The following GALNT7 variants were observed in gnomAD, a reference collection of about 807,000 sequenced individuals.
GALNT7 encodes N-acetylgalactosaminyltransferase 7.
GALNT7 carries 60 observed loss-of-function variants against 82.1 expected under a neutral mutation model. The observed-to-expected ratio is 0.73, with a 90% confidence interval of 0.59 to 0.91. The LOEUF is 0.91. Among genes scored for constraint, GALNT7 ranks in the 40% least tolerant of loss-of-function variants. The pLI is 0.00. For synonymous variants in GALNT7, 243 were observed against 275.1 expected, an observed-to-expected ratio of 0.88 and a Z score of 1.15; for missense variants, 660 against 804.2, an observed-to-expected ratio of 0.82 and a Z score of 2.17.
At chr4:173,213,218 T>A (rs1733337763) in intron 1 of GALNT7, among the ~76,000 whole-genome samples, 1 of 87,430 alleles carries the variant, frequency 1.1e-5, no homozygotes, top group African/African-American at 3.0e-5. Context: ...TACATTCTCC[T>A]CCTTTCTAGT....
At chr4:173,253,641 A>C (rs1238875403) in intron 2 of GALNT7, among the ~76,000 whole-genome samples, 1 of 152,298 alleles carries the variant, frequency 6.6e-6, no homozygotes, top group East Asian at 1.9e-4. Flanking sequence ...ATGGAGTGGA[A>C]GGGGAAATCA....
At chr4:173,237,105 T>C (rs2126719478) in intron 1 of GALNT7, among the ~76,000 whole-genome samples, 1 of 152,338 alleles carries the variant, frequency 6.6e-6, no homozygotes, top group South Asian at 2.1e-4. Context: ...CCTCCTAAAA[T>C]GGATTTCTAG....
chr4:173,228,488 T>C (rs1360664775), intron 1 of GALNT7, among the ~76,000 whole-genome samples: 2 of 152,082 alleles, frequency 1.3e-5, no homozygotes, highest in Non-Finnish European at 2.9e-5. Context: ...ATAATTTTTC[T>C]AACTGTTCTC....
chr4:173,319,797 A>G (rs888394518), intron 11 of GALNT7, among the ~76,000 whole-genome samples: 1 of 152,170 alleles, frequency 6.6e-6, no homozygotes, highest in African/African-American at 2.4e-5. Flanking sequence ...ATATAATGGC[A>G]GAGAAGAAAG....
chr4:173,197,049 A>C (rs904881847), intron 1 of GALNT7, among the ~76,000 whole-genome samples: 2 of 142,896 alleles, frequency 1.4e-5, no homozygotes, highest in African/African-American at 2.6e-5. Context: ...TAGATTCTCT[A>C]TCTCTCTCTC....
chr4:173,259,406 TTCTC>T (rs1735171590), intron 2 of GALNT7, among the ~76,000 whole-genome samples: 1 of 151,728 alleles, frequency 6.6e-6, no homozygotes, highest in Admixed American at 6.6e-5. Flanking sequence ...TTATAACTCT[TTCTC>T]TCTTCTCCCT....
chr4:173,202,355 T>G (rs1026741517), intron 1 of GALNT7, among the ~76,000 whole-genome samples: 1 of 152,306 alleles, frequency 6.6e-6, no homozygotes, highest in South Asian at 2.1e-4. Context: ...AGAGAAACCA[T>G]GACCACCTAA....
chr4:173,244,649 C>T (rs145273247), intron 1 of GALNT7, among the ~76,000 whole-genome samples: 126 of 152,280 alleles, frequency 8.3e-4, no homozygotes, highest in African/African-American at 2.9e-3. Flanking sequence ...ATGTGAAGCA[C>T]TTAGGACACA....
In GALNT7 at chr4:173,297,020, A is replaced by T. The variant is rs182843974; in HGVS notation, c.966-1095A>T. On this transcript the variant is annotated intron_variant, in intron 5 of 11. Coordinates refer to ENST00000265000, the MANE Select transcript of GALNT7 (RefSeq NM_017423.3). The stretch of plus-strand genomic sequence containing the variant: ...TGTCATTTTCATTTTAGGAAAATAG[A>T]TTTTAAAATCCTTTCTGACGAGATG... 7.2e-5 allele frequency among the ~76,000 whole-genome samples: 11 copies of T among 152,304 alleles called. No homozygotes were observed. In the East Asian group the frequency reaches 2.1e-3, roughly 29 times the overall value.
chr4:173,284,071 C>T (rs1017136810), intron 2 of GALNT7, among the ~76,000 whole-genome samples: 6 of 152,112 alleles, frequency 3.9e-5, no homozygotes, highest in Admixed American at 3.3e-4. Flanking sequence ...GTGTTCAAAG[C>T]AAAAATCAAA....
chr4:173,311,813 A>G (rs1022271814), intron 8 of GALNT7, among the ~76,000 whole-genome samples: 1 of 152,194 alleles, frequency 6.6e-6, no homozygotes, highest in Non-Finnish European at 1.5e-5. Context: ...TTCTTTTATC[A>G]TGCTGCTTAT....
rs1033530380 is a variant in GALNT7 at position 173,320,787 on chromosome 4, A to AT, written c.1837-785dup. Among the ~76,000 whole-genome samples, 1 of 151,988 alleles carries AT rather than the reference A, an allele frequency of 6.6e-6. No homozygotes were observed. Among genetic ancestry groups the AT allele is most frequent in the South Asian group, 2.1e-4 (1 of 4,826 alleles). On this transcript the variant is annotated intron_variant, in intron 11 of 11. Coordinates refer to ENST00000265000, the MANE Select transcript of GALNT7 (RefSeq NM_017423.3). This position sits in a 1 kb window ranked among gnomAD's most constrained non-coding sequence, Gnocchi z 4.1. ...CGTACTTCCCACTTCATCTCATAGAATTTTTTTTAAGTATACTGAGGGGTC... is the reference window on the plus strand; with the variant it reads ...CGTACTTCCCACTTCATCTCATAGAATTTTTTTTTAAGTATACTGAGGGGTC...
At chr4:173,273,731 CCTT>C (rs1735807128) in intron 2 of GALNT7, among the ~76,000 whole-genome samples, 1 of 152,166 alleles carries the variant, frequency 6.6e-6, no homozygotes, top group Non-Finnish European at 1.5e-5. Flanking sequence ...CTTGATTCCT[CCTT>C]CTTTTTCCTC....
Position 173,320,630 on chromosome 4 carries a change from G to A in GALNT7, c.1837-950G>A, listed in dbSNP as rs1055700527. Reference sequence around the variant, plus strand: ...AAAGGGAGCGAGTACTTTAATAGCCGTTCATATAATTGTGGCTGTTTTTTT... The same window carrying A: ...AAAGGGAGCGAGTACTTTAATAGCCATTCATATAATTGTGGCTGTTTTTTT... On this transcript the variant is annotated intron_variant, in intron 11 of 11. Coordinates refer to ENST00000265000, the MANE Select transcript of GALNT7 (RefSeq NM_017423.3). This position sits in a 1 kb window ranked among gnomAD's most constrained non-coding sequence, Gnocchi z 4.1. Among the ~76,000 whole-genome samples the A allele has an allele frequency of 5.9e-5, 9 of 152,076 alleles. No homozygotes were observed. The highest frequency in any genetic ancestry group is 1.9e-4 in the East Asian group (1 of 5,186).
intron 2 of GALNT7, among the ~76,000 whole-genome samples, chr4:173,250,886 T>C (rs950344767): frequency 2.0e-5 from 3 of 152,242 alleles, no homozygotes; most frequent in Non-Finnish European, 2.9e-5. Context: ...TTTCTTCCCA[T>C]GACGGGCTGG....
intron 8 of GALNT7, among the ~76,000 whole-genome samples, chr4:173,311,829 C>T (rs1737396093): frequency 6.6e-6 from 1 of 152,134 alleles, no homozygotes; most frequent in African/African-American, 2.4e-5. Context: ...CTTATAACAG[C>T]TTTTTTTAAA....
intron 1 of GALNT7, among the ~76,000 whole-genome samples, chr4:173,224,206 C>T (rs966856341): frequency 1.3e-5 from 2 of 152,174 alleles, no homozygotes; most frequent in Admixed American, 6.5e-5. Context: ...AACTGTGGGT[C>T]GACTACAGTT....
chr4:173,269,911 A>T (rs536230390), intron 2 of GALNT7, among the ~76,000 whole-genome samples: 1 of 152,330 alleles, frequency 6.6e-6, no homozygotes, highest in Non-Finnish European at 1.5e-5. Flanking sequence ...TGCAGTCATG[A>T]TGCTAGGATG....
intron 1 of GALNT7, among the ~76,000 whole-genome samples, chr4:173,203,663 TATACAACATC>T (rs1733009433): frequency 6.6e-6 from 1 of 152,220 alleles, no homozygotes; most frequent in South Asian, 2.1e-4. Flanking sequence ...GTTAGGTTTA[TATACAACATC>T]ATCTAGTTAT....
Sources: gnomAD v4.1 joint callset for allele counts (sites outside exome capture counted in the v4.1 genomes callset) on GRCh38, gnomAD v4.1.1 for gene constraint, Gnocchi (gnomAD v3.1) non-coding constraint, MANE v1.5 for transcripts, NCBI Gene and HGNC (gene_info 2026-07-23, HGNC 2026-07-21) for gene names.